The following EFNA5 variants were observed in gnomAD, a reference collection of about 807,000 sequenced individuals.
EFNA5 encodes the protein ephrin-A5.
Under a neutral mutation model 22.9 loss-of-function variants are expected in EFNA5, and 5 were observed. The ratio of observed to expected loss-of-function variants is 0.22; its 90% CI spans 0.11 to 0.46. EFNA5 has a LOEUF of 0.46. Ranked by LOEUF, EFNA5 falls within the 20% of genes least tolerant of loss-of-function variation. The pLI, the probability that EFNA5 is intolerant of heterozygous loss-of-function variation, is 0.99. For synonymous variants in EFNA5, 113 were observed against 112.2 expected, an observed-to-expected ratio of 1.01 and a Z score of -0.04; for missense variants, 237 against 293.3, an observed-to-expected ratio of 0.81 and a Z score of 1.40.
intron 1 of EFNA5, among the ~76,000 whole-genome samples, chr5:107,534,519 A>G (rs1747891517): frequency 6.6e-6 from 1 of 152,180 alleles, no homozygotes. Flanking sequence ...TTCTAAATAC[A>G]CTCAGCACAA....
intron 1 of EFNA5, among the ~76,000 whole-genome samples, chr5:107,513,028 C>T (rs542549441): frequency 7.9e-5 from 12 of 152,246 alleles, no homozygotes; most frequent in African/African-American, 2.6e-4. Context: ...TACTTACGTA[C>T]CCAGTGGCCA....
chr5:107,385,681 G>C (rs1166695665), intron 4 of EFNA5, among the ~76,000 whole-genome samples: 1 of 152,188 alleles, frequency 6.6e-6, no homozygotes, highest in Non-Finnish European at 1.5e-5. Flanking sequence ...GAAGAGTGTA[G>C]AGTCTGGGGT....
At chr5:107,410,022 CTTTTTTTTTTTTT>C (rs70996956) in intron 2 of EFNA5, among the ~76,000 whole-genome samples, 4 of 88,010 alleles carry the variant, frequency 4.5e-5, no homozygotes, top group South Asian at 4.0e-4. Flanking sequence ...TGACATGATT[CTTTTTTTTTTTTT>C]TTTTTTTTTT....
At chr5:107,382,835 G>A (rs1029728027) in intron 4 of EFNA5, among the ~76,000 whole-genome samples, 6 of 152,102 alleles carry the variant, frequency 3.9e-5, no homozygotes, top group African/African-American at 1.2e-4. Flanking sequence ...AGGCTCTAGT[G>A]GTTGTTCTCA....
chr5:107,545,038 C>T (rs530606977), intron 1 of EFNA5, among the ~76,000 whole-genome samples: 30 of 152,262 alleles, frequency 2.0e-4, no homozygotes, highest in Middle Eastern at 3.4e-3. Flanking sequence ...CAAACATAAC[C>T]GACAACATCT....
chr5:107,654,344 T>C (rs1406038143), intron 1 of EFNA5, among the ~76,000 whole-genome samples: 8 of 151,974 alleles, frequency 5.3e-5, no homozygotes, highest in Admixed American at 5.2e-4. Context: ...CCAGTGGGTT[T>C]AAACTTTTTT....
At chr5:107,652,687 T>C (rs1180462835) in intron 1 of EFNA5, among the ~76,000 whole-genome samples, 1 of 152,220 alleles carries the variant, frequency 6.6e-6, no homozygotes, top group East Asian at 1.9e-4. Flanking sequence ...AATTACTTTG[T>C]AGTCAAGACA....
intron 2 of EFNA5, among the ~76,000 whole-genome samples, chr5:107,414,177 TG>T (rs1172806789): frequency 1.3e-5 from 2 of 152,204 alleles, no homozygotes; most frequent in Non-Finnish European, 2.9e-5. Context: ...TCAAACTTTA[TG>T]GAAGTGGGTT....
At chr5:107,593,978 A>T (rs966454212) in intron 1 of EFNA5, among the ~76,000 whole-genome samples, 1 of 152,218 alleles carries the variant, frequency 6.6e-6, no homozygotes, top group African/African-American at 2.4e-5. Context: ...CTTCTCATAA[A>T]ATAGTTATTT....
chr5:107,472,583 A>G (rs568196582), intron 1 of EFNA5, among the ~76,000 whole-genome samples: 2 of 152,326 alleles, frequency 1.3e-5, no homozygotes, highest in South Asian at 4.1e-4. Context: ...GTCATTAATA[A>G]ACTTTGCCCA....
At chr5:107,436,533 C>T (rs1344739639) in intron 1 of EFNA5, among the ~76,000 whole-genome samples, 1 of 152,180 alleles carries the variant, frequency 6.6e-6, no homozygotes, top group African/African-American at 2.4e-5. Flanking sequence ...ATAGTCCTAA[C>T]AGACGTCACT....
intron 1 of EFNA5, among the ~76,000 whole-genome samples, chr5:107,533,717 C>A (rs139649095): frequency 2.0e-5 from 3 of 152,136 alleles, no homozygotes; most frequent in Non-Finnish European, 4.4e-5. Flanking sequence ...TTCCCATATA[C>A]GGATTAAATT....
At chr5:107,445,097 A>G (rs544555922) in intron 1 of EFNA5, among the ~76,000 whole-genome samples, 35 of 152,280 alleles carry the variant, frequency 2.3e-4, no homozygotes, top group South Asian at 1.0e-3. Context: ...ATTTCGGCTC[A>G]CTGCAACCTC....
At chr5:107,628,209 C>T (rs1750179886) in intron 1 of EFNA5, among the ~76,000 whole-genome samples, 1 of 152,116 alleles carries the variant, frequency 6.6e-6, no homozygotes. Context: ...AAGATAATTG[C>T]TTCTAAAGCT....
chr5:107,627,230 C>A (rs1304805227), intron 1 of EFNA5, among the ~76,000 whole-genome samples: 1 of 152,172 alleles, frequency 6.6e-6, no homozygotes, highest in Non-Finnish European at 1.5e-5. Flanking sequence ...CAGCTCTCTT[C>A]ATCCCAACAA....
chr5:107,477,164 T>C (rs1249483310), intron 1 of EFNA5, among the ~76,000 whole-genome samples: 2 of 152,054 alleles, frequency 1.3e-5, no homozygotes, highest in African/African-American at 4.8e-5. Flanking sequence ...TACTGGCTTA[T>C]CAAGAGAGAA....
intron 1 of EFNA5, among the ~76,000 whole-genome samples, chr5:107,664,266 A>T (rs1256318491): frequency 2.0e-5 from 3 of 152,204 alleles, no homozygotes; most frequent in African/African-American, 4.8e-5. Flanking sequence ...CATGCAAAAT[A>T]GTTGTAGTCA....
chr5:107,411,984 T>C (rs775389796), intron 2 of EFNA5, among the ~76,000 whole-genome samples: 1 of 152,226 alleles, frequency 6.6e-6, no homozygotes, highest in Non-Finnish European at 1.5e-5. Flanking sequence ...TATTATCAAA[T>C]GTTCATAATT....
At chr5:107,641,841 C>A (rs1750528063) in intron 1 of EFNA5, among the ~76,000 whole-genome samples, 1 of 151,934 alleles carries the variant, frequency 6.6e-6, no homozygotes, top group Non-Finnish European at 1.5e-5. Context: ...AACAGGAGGC[C>A]CAAGTATTTA....
Sources: gnomAD v4.1 joint callset for allele counts (sites outside exome capture counted in the v4.1 genomes callset) on GRCh38, gnomAD v4.1.1 for gene constraint, MANE v1.5 for transcripts, NCBI Gene and HGNC (gene_info 2026-07-23, HGNC 2026-07-21) for gene names.